DAB1: variants seen among roughly 807,000 people sequenced by gnomAD.
DAB1 encodes DAB adaptor protein 1, also known as disabled homolog 1.
In DAB1, 15 loss-of-function variants were observed where a neutral mutation model predicts 64.6. The observed-to-expected ratio is 0.23, with a 90% confidence interval of 0.16 to 0.36. The LOEUF (loss-of-function observed/expected upper bound fraction) is 0.36. Ranked by LOEUF, DAB1 falls within the 10% of genes least tolerant of loss-of-function variation. The pLI, the probability that DAB1 is intolerant of heterozygous loss-of-function variation, is 1.00. For synonymous variants in DAB1, 235 were observed against 251.9 expected (o/e 0.93, Z 0.64); for missense variants, 596 against 706.7 (o/e 0.84, Z 1.78).
chr1:58,051,147 C>T (rs1440299401), intron 5 of DAB1, among the ~76,000 whole-genome samples: 6 of 152,064 alleles, frequency 3.9e-5, no homozygotes, highest in Admixed American at 3.9e-4. Context: ...TTGCTGCACC[C>T]ATGAACTCAT....
At chr1:57,103,158 T>G (rs551669197) in intron 4 of DAB1, among the ~76,000 whole-genome samples, 2 of 152,018 alleles carry the variant, frequency 1.3e-5, no homozygotes, top group Non-Finnish European at 2.9e-5. Flanking sequence ...TGAGATGCAA[T>G]GCTAAAAGGA....
chr1:57,098,309 C>G (rs1654359701), intron 4 of DAB1, among the ~76,000 whole-genome samples: 1 of 152,088 alleles, frequency 6.6e-6, no homozygotes, highest in Non-Finnish European at 1.5e-5. Context: ...CAGTACAACC[C>G]TGTAGGATAA....
chr1:57,608,878 C>T (rs551252843), intron 7 of DAB1, among the ~76,000 whole-genome samples: 2 of 152,296 alleles, frequency 1.3e-5, no homozygotes, highest in South Asian at 4.1e-4. Flanking sequence ...GCCTCGGTTT[C>T]CTTATCTGTC....
intron 6 of DAB1, among the ~76,000 whole-genome samples, chr1:57,801,729 C>G (rs1651133880): frequency 6.6e-6 from 1 of 152,044 alleles, no homozygotes; most frequent in Non-Finnish European, 1.5e-5. Flanking sequence ...ACAATCACAG[C>G]TCACTGCAGC....
At chr1:58,150,307 C>T (rs1337193377) in intron 5 of DAB1, among the ~76,000 whole-genome samples, 1 of 152,092 alleles carries the variant, frequency 6.6e-6, no homozygotes, top group Non-Finnish European at 1.5e-5. Context: ...TTCTATGTGC[C>T]TACAAAACCC....
chr1:58,054,928 G>A (rs954378286), intron 5 of DAB1, among the ~76,000 whole-genome samples: 11 of 152,218 alleles, frequency 7.2e-5, no homozygotes, highest in East Asian at 1.9e-4. Context: ...AGCCACATTC[G>A]TGAAGGCATG....
Position 57,883,796 on chromosome 1 carries a change from C to T in DAB1, n.87+203G>A, listed in dbSNP as rs115879857. ...CATGCGCCTTTCAGTTCTTAGATTC[C>T]GCTGGCTACCGCCTCATTGAATAAG... On this transcript the variant is annotated intron_variant and non_coding_transcript_variant, in intron 1 of 1. Transcript: ENST00000477280. Among the ~76,000 whole-genome samples the T allele has an allele frequency of 4.9e-3, 739 of 152,274 alleles. 3 individuals carry two copies. Among genetic ancestry groups the T allele is most frequent in the African/African-American group, 0.016 (651 of 41,560 alleles).
chr1:57,295,451 C>T (rs1206045230), intron 1 of DAB1, among the ~76,000 whole-genome samples: 1 of 152,144 alleles, frequency 6.6e-6, no homozygotes, highest in Non-Finnish European at 1.5e-5. Flanking sequence ...TTAGACTTAG[C>T]TTCATCCAAG....
chr1:57,275,835 CAGAAGATA>C (rs1330604927), intron 2 of DAB1, among the ~76,000 whole-genome samples: 2 of 152,178 alleles, frequency 1.3e-5, no homozygotes, highest in Non-Finnish European at 2.9e-5. Context: ...CCGCAAAACA[CAGAAGATA>C]AACACTGTAT....
chr1:58,084,756 G>C (rs1272365639), intron 5 of DAB1, among the ~76,000 whole-genome samples: 2 of 150,308 alleles, frequency 1.3e-5, no homozygotes, highest in South Asian at 2.1e-4. Context: ...TTCAGAGGGG[G>C]AAAATTTTAT....
upstream of DAB1, among the ~76,000 whole-genome samples, chr1:57,886,945 G>A (rs990425037): frequency 6.6e-6 from 1 of 152,184 alleles, no homozygotes; most frequent in African/African-American, 2.4e-5. Flanking sequence ...GGTAAGTTTG[G>A]AAAATGTCAG....
At chr1:58,224,642 C>T (rs927633905) in intron 4 of DAB1, among the ~76,000 whole-genome samples, 2 of 152,044 alleles carry the variant, frequency 1.3e-5, no homozygotes, top group Non-Finnish European at 2.9e-5. Context: ...TCATTTGACC[C>T]TCACAGGAAC....
intron 1 of DAB1, among the ~76,000 whole-genome samples, chr1:57,374,747 ACC>A (rs1680765298): frequency 6.6e-6 from 1 of 152,170 alleles, no homozygotes; most frequent in African/African-American, 2.4e-5. Flanking sequence ...TTTATAAAAT[ACC>A]TGGGTAGCAC....
At chr1:57,535,611 C>T (rs750247102) in intron 7 of DAB1, among the ~76,000 whole-genome samples, 64 of 151,856 alleles carry the variant, frequency 4.2e-4, no homozygotes, top group South Asian at 8.3e-4. Context: ...TACAGGCACG[C>T]GCCACCACGC....
At chr1:57,390,016 C>G (rs1682210917) in intron 1 of DAB1, among the ~76,000 whole-genome samples, 1 of 152,194 alleles carries the variant, frequency 6.6e-6, no homozygotes, top group African/African-American at 2.4e-5. Flanking sequence ...CCCAGGCCAC[C>G]TGGCCCCCAA....
At chr1:58,494,872 G>C (rs182683398) in intron 3 of DAB1, among the ~76,000 whole-genome samples, 1 of 152,094 alleles carries the variant, frequency 6.6e-6, no homozygotes, top group African/African-American at 2.4e-5. Flanking sequence ...GATTCCTCAG[G>C]GATCTAGAAC....
chr1:58,054,911 C>A (rs892603690), intron 5 of DAB1, among the ~76,000 whole-genome samples: 3 of 152,222 alleles, frequency 2.0e-5, no homozygotes, highest in Admixed American at 1.3e-4. Flanking sequence ...AAGCAATGGT[C>A]CAGCACAGCC....
intron 6 of DAB1, among the ~76,000 whole-genome samples, chr1:57,671,102 C>T (rs1646505450): frequency 6.6e-6 from 1 of 152,046 alleles, no homozygotes; most frequent in Admixed American, 6.6e-5. Context: ...TTTTTTTCCC[C>T]TGAATAGCTT....
chr1:57,707,000 G>A (rs1217127340), intron 6 of DAB1, among the ~76,000 whole-genome samples: 1 of 152,046 alleles, frequency 6.6e-6, no homozygotes, highest in Non-Finnish European at 1.5e-5. Flanking sequence ...CTTGAACCCG[G>A]GAAGTGGAGG....
Sources: gnomAD v4.1 joint callset for allele counts (sites outside exome capture counted in the v4.1 genomes callset) on GRCh38, gnomAD v4.1.1 for gene constraint, MANE v1.5 for transcripts, NCBI Gene and HGNC (gene_info 2026-07-23, HGNC 2026-07-21) for gene names.